NRG3: variants seen among roughly 807,000 people sequenced by gnomAD.
The protein encoded by NRG3 is pro-neuregulin-3, membrane-bound isoform.
A neutral mutation model predicts 66.9 loss-of-function variants in NRG3; 31 were observed. That is an observed-to-expected ratio of 0.46 (90% CI 0.35 to 0.63). NRG3 has a LOEUF of 0.63. NRG3 is among the 20% of genes least tolerant of loss of function. NRG3 has a pLI of 0.00. For synonymous variants in NRG3, 393 were observed against 359.4 expected (o/e 1.09, Z -1.06); for missense variants, 910 against 878.9 (o/e 1.04, Z -0.45).
chr10:81,889,773 T>C (rs998924089), intron 1 of NRG3: 8 of 152,240 alleles, frequency 5.3e-5, no homozygotes, highest in African/African-American at 1.4e-4. Context: ...GATAAAGATA[T>C]ATTTTTTAAA....
At chr10:82,263,548 A>G (rs1537867) in intron 1 of NRG3, among the ~76,000 whole-genome samples, 13,924 of 152,176 alleles carry the variant, frequency 0.091, 779 homozygotes, top group Non-Finnish European at 0.14. Flanking sequence ...AACATTTGGC[A>G]GAGCATTTTA....
At chr10:82,926,907 T>G (rs1306799508) in intron 4 of NRG3, among the ~76,000 whole-genome samples, 2 of 152,220 alleles carry the variant, frequency 1.3e-5, no homozygotes, top group Non-Finnish European at 2.9e-5. Flanking sequence ...TGTGTCTCTT[T>G]GTCTTTATTT....
At chr10:82,405,544 C>A (rs1230572270) in intron 2 of NRG3, among the ~76,000 whole-genome samples, 1 of 150,344 alleles carries the variant, frequency 6.7e-6, no homozygotes, top group South Asian at 2.1e-4. Flanking sequence ...GCAACCTCCC[C>A]CTCCTGGGTT....
At chr10:82,112,278 T>C (rs1258030059) in intron 1 of NRG3, among the ~76,000 whole-genome samples, 1 of 152,076 alleles carries the variant, frequency 6.6e-6, no homozygotes, top group African/African-American at 2.4e-5. Flanking sequence ...ACACCTTGCC[T>C]ACCCTTTCTG....
intron 4 of NRG3, among the ~76,000 whole-genome samples, chr10:82,948,095 G>T (rs1849185536): frequency 6.6e-6 from 1 of 151,916 alleles, no homozygotes; most frequent in African/African-American, 2.4e-5. Context: ...TATGTATAGA[G>T]TATGAGATTA....
intron 1 of NRG3, among the ~76,000 whole-genome samples, chr10:82,348,019 C>T (rs2083148617): frequency 6.6e-6 from 1 of 151,938 alleles, no homozygotes; most frequent in African/African-American, 2.4e-5. Context: ...GACTCTTTAT[C>T]CAATTTCCCA....
At chr10:82,699,908 A>G (rs1591224477) in intron 2 of NRG3, among the ~76,000 whole-genome samples, 1 of 152,176 alleles carries the variant, frequency 6.6e-6, no homozygotes, top group African/African-American at 2.4e-5. Context: ...CATGATTTCT[A>G]ACATACACTA....
intron 1 of NRG3, among the ~76,000 whole-genome samples, chr10:82,193,132 T>C (rs2074253582): frequency 6.6e-6 from 1 of 152,100 alleles, no homozygotes; most frequent in Non-Finnish European, 1.5e-5. Flanking sequence ...GACAGTGACA[T>C]AACTTGATTT....
intron 1 of NRG3, among the ~76,000 whole-genome samples, chr10:81,925,820 A>C (rs930637744): frequency 6.6e-6 from 1 of 152,200 alleles, no homozygotes; most frequent in East Asian, 1.9e-4. Context: ...TTTTGAAGAA[A>C]GGAACTTTGA....
intron 1 of NRG3, among the ~76,000 whole-genome samples, chr10:82,256,930 T>C (rs897139882): frequency 6.6e-6 from 1 of 152,180 alleles, no homozygotes; most frequent in African/African-American, 2.4e-5. Flanking sequence ...CTGCAAATGA[T>C]GGCCAGATAA....
intron 3 of NRG3, among the ~76,000 whole-genome samples, chr10:82,856,144 G>A (rs142470438): frequency 7.9e-5 from 12 of 152,294 alleles, no homozygotes; most frequent in African/African-American, 2.9e-4. Context: ...ACAGAGAACA[G>A]CCTGGGTATG....
At chr10:82,494,317 A>G (rs934052895) in intron 2 of NRG3, among the ~76,000 whole-genome samples, 4 of 152,172 alleles carry the variant, frequency 2.6e-5, no homozygotes, top group Admixed American at 2.0e-4. Context: ...CAAAGATTTC[A>G]ATTAGTAAAA....
chr10:82,849,982 T>C (rs1052269618), intron 3 of NRG3, among the ~76,000 whole-genome samples: 3 of 152,204 alleles, frequency 2.0e-5, no homozygotes, highest in Middle Eastern at 3.4e-3. Flanking sequence ...GGAGCAAAGG[T>C]GGAAGCAGAT....
intron 1 of NRG3, among the ~76,000 whole-genome samples, chr10:82,198,361 G>GAATCAC (rs1295934656): frequency 1.3e-5 from 2 of 152,258 alleles, no homozygotes; most frequent in East Asian, 3.9e-4. Flanking sequence ...CAAAATAAAA[G>GAATCAC]ATGGTTTAAA....
intron 2 of NRG3, among the ~76,000 whole-genome samples, chr10:82,555,701 TC>T (rs1373509890): frequency 6.6e-6 from 1 of 152,206 alleles, no homozygotes; most frequent in Non-Finnish European, 1.5e-5. Flanking sequence ...ATAGTTTGAT[TC>T]CTTTCATGCA....
chr10:82,047,513 G>A (rs569569777), intron 1 of NRG3, among the ~76,000 whole-genome samples: 42 of 151,848 alleles, frequency 2.8e-4, no homozygotes, highest in African/African-American at 8.9e-4. Context: ...CTTCATAAGC[G>A]AAGGAGAAAT....
At chr10:82,266,208 C>T (rs1238144125) in intron 1 of NRG3, among the ~76,000 whole-genome samples, 1 of 152,082 alleles carries the variant, frequency 6.6e-6, no homozygotes, top group Non-Finnish European at 1.5e-5. Context: ...AATACAGGGT[C>T]TAATGGGATT....
intron 3 of NRG3, among the ~76,000 whole-genome samples, chr10:82,852,274 A>G (rs2135843659): frequency 6.6e-6 from 1 of 152,174 alleles, no homozygotes; most frequent in South Asian, 2.1e-4. Context: ...GGGGAACATC[A>G]CACACCGGGG....
At chr10:82,908,836 T>G (rs913193636) in intron 4 of NRG3, among the ~76,000 whole-genome samples, 2 of 129,840 alleles carry the variant, frequency 1.5e-5, no homozygotes, top group Non-Finnish European at 3.3e-5. Flanking sequence ...ATGCTCAGAT[T>G]GCTTTCAGCG....
Sources: allele counts gnomAD v4.1 joint callset (sites outside exome capture counted in the v4.1 genomes callset), GRCh38; gene constraint gnomAD v4.1.1; transcripts MANE v1.5; gene names NCBI Gene and HGNC (gene_info 2026-07-23, HGNC 2026-07-21).